COL9A1: variants seen among roughly 807,000 people sequenced by gnomAD.
COL9A1 encodes the protein collagen alpha-1(IX) chain.
In COL9A1, 104 loss-of-function variants were observed where a neutral mutation model predicts 142.6. The observed-to-expected ratio is 0.73, with a 90% confidence interval of 0.62 to 0.86. COL9A1 has a LOEUF of 0.86. Ranked by LOEUF, COL9A1 falls within the 40% of genes least tolerant of loss-of-function variation. The pLI, the probability that COL9A1 is intolerant of heterozygous loss-of-function variation, is 0.00. For missense variants in COL9A1, 1,210 were observed against 1,176.6 expected, an observed-to-expected ratio of 1.03 and a Z score of -0.42; for synonymous variants, 466 against 396.0, an observed-to-expected ratio of 1.18 and a Z score of -2.10.
chr6:70,286,655 T>A (rs1773462762), intron 5 of COL9A1, among the ~76,000 whole-genome samples: 1 of 152,222 alleles, frequency 6.6e-6, no homozygotes, highest in South Asian at 2.1e-4. Context: ...GACCAAATGT[T>A]AGTTTATACC....
chr6:70,270,996 G>A (rs999042411), intron 14 of COL9A1, among the ~76,000 whole-genome samples: 26 of 152,094 alleles, frequency 1.7e-4, no homozygotes, highest in Admixed American at 6.6e-4. Flanking sequence ...ATAAAGAGTC[G>A]GAAGCACCTC....
chr6:70,259,382 G>T (rs1289079269), intron 20 of COL9A1, among the ~76,000 whole-genome samples: 2 of 152,150 alleles, frequency 1.3e-5, no homozygotes, highest in Non-Finnish European at 2.9e-5. Context: ...GATGCCTTTT[G>T]TATTTTCTGG....
chr6:70,262,008 G>T (rs1351281654), intron 19 of COL9A1, among the ~76,000 whole-genome samples: 1 of 152,024 alleles, frequency 6.6e-6, no homozygotes, highest in Non-Finnish European at 1.5e-5. Context: ...TCCCCCAATG[G>T]ACCACTTGAG....
intron 18 of COL9A1, among the ~76,000 whole-genome samples, chr6:70,265,158 C>A (rs1017921172): frequency 1.3e-5 from 2 of 152,086 alleles, no homozygotes; most frequent in Non-Finnish European, 2.9e-5. Context: ...TTCCACTGAA[C>A]ATCAAACCAA....
Position 70,266,638 on chromosome 6 carries a change from A to G in COL9A1, c.1341+79T>C, listed in dbSNP as rs1444465722. ...AAAATATCGAGGTTCATTATTTCCT[A>G]TAATTCCTAATTTCTTATAATGAAA... On this transcript the variant is annotated intron_variant, in intron 18 of 37. Transcript: ENST00000357250. 10 of 1,142,080 alleles carry G rather than the reference A, an allele frequency of 8.8e-6. No homozygotes were observed. The Admixed American group carries it at 1.3e-4, about 15-fold the overall frequency. The allele number at this position is 1,142,080 out of a possible 1,614,324, so 70.7% of individuals were successfully genotyped here. A position where few individuals can be genotyped will look rare whatever the true frequency, so the allele number is the denominator to read the frequency against.
Position 70,252,245 on chromosome 6 carries a change from G to A in COL9A1, c.1818+17C>T. On this transcript the variant is annotated intron_variant, in intron 27 of 37. Coordinates refer to ENST00000357250, the MANE Select transcript of COL9A1 (RefSeq NM_001851.6). ...ACAACAGGTTAGAACTTCAGGAGAG[G>A]TAAAATGGTGTCTTACCGGTTTGCC... 1 of 1,614,156 alleles carries A rather than the reference G, an allele frequency of 6.2e-7. No homozygotes were observed. The highest frequency in any genetic ancestry group is 8.5e-7 in the Non-Finnish European group (1 of 1,179,970).
At chr6:70,266,466 A>G (rs974831274) in intron 18 of COL9A1, among the ~76,000 whole-genome samples, 3 of 152,228 alleles carry the variant, frequency 2.0e-5, no homozygotes, top group Admixed American at 6.5e-5. Context: ...AAAAGAAAAG[A>G]AAAGGTAGTG....
chr6:70,269,633 C>A lies in COL9A1; in HGVS notation c.1230G>T (p.Leu410Phe), dbSNP rs1772263747. The change falls in exon 16 of 38, where the codon TTG becomes TTT. Residue 410 changes from leucine to phenylalanine, a missense_variant and splice_region_variant. Transcript: ENST00000357250. ...GTIGFHDGDPLCPNACPPGRS... is the reference protein window; with the variant it reads ...GTIGFHDGDPFCPNACPPGRS... ...TTTTGTTCAAAGGAAAGCATCTTAC[C>A]AATGGATCTCCATCATGAAAGCCAA... The A allele has an allele frequency of 6.3e-7, 1 of 1,589,250 alleles. No individual in the cohort carries two copies. Among genetic ancestry groups the A allele is most frequent in the African/African-American group, 1.3e-5 (1 of 74,470 alleles).
Position 70,281,458 on chromosome 6 carries a change from G to GA in COL9A1, c.807dup (p.Pro270SerfsTer4). 7.4e-6 allele frequency: 12 copies of GA among 1,611,780 alleles called. No homozygotes were observed. Among genetic ancestry groups the GA allele is most frequent in the African/African-American group, 1.3e-5 (1 of 74,926 alleles). On this transcript the variant is annotated frameshift_variant, in exon 8 of 38. Coordinates refer to ENST00000357250, the MANE Select transcript of COL9A1 (RefSeq NM_001851.6). LOFTEE classifies it high-confidence loss of function. Reference sequence around the variant, plus strand: ...CCGGGAGGACCCTGCTCACCCGGGGGACCTCTCTGGCAAAAATAGCAGACA... The same window carrying GA: ...CCGGGAGGACCCTGCTCACCCGGGGGAACCTCTCTGGCAAAAATAGCAGACA...
At chr6:70,218,284 AG>A (rs1413845674) in intron 37 of COL9A1, among the ~76,000 whole-genome samples, 1 of 152,230 alleles carries the variant, frequency 6.6e-6, no homozygotes, top group Non-Finnish European at 1.5e-5. Context: ...TTTCTCATGA[AG>A]GGCTGACCCC....
intron 2 of COL9A1, among the ~76,000 whole-genome samples, chr6:70,300,929 G>A (rs1302312376): frequency 6.6e-6 from 1 of 152,274 alleles, no homozygotes; most frequent in Non-Finnish European, 1.5e-5. Flanking sequence ...GTCAGATATA[G>A]GGGCCTGGGG....
At chr6:70,215,261 T>G (rs544779516), downstream of COL9A1, 36 of 152,338 alleles carry the variant, frequency 2.4e-4, no homozygotes, top group African/African-American at 7.2e-4. Context: ...GCAAAATTCA[T>G]GCTAGAAGCA....
At chr6:70,264,501 C>T (rs910967806) in intron 18 of COL9A1, among the ~76,000 whole-genome samples, 6 of 152,024 alleles carry the variant, frequency 3.9e-5, no homozygotes, top group African/African-American at 1.4e-4. Flanking sequence ...TTAGCTAGTT[C>T]TTGGCACAGA....
intron 37 of COL9A1, among the ~76,000 whole-genome samples, chr6:70,217,984 T>C (rs576521971): frequency 6.6e-6 from 1 of 151,998 alleles, no homozygotes; most frequent in South Asian, 2.1e-4. Flanking sequence ...CTACTAAAAA[T>C]ACAAAAAAAT....
At chr6:70,264,956 T>C (rs1771919735) in intron 18 of COL9A1, among the ~76,000 whole-genome samples, 1 of 152,108 alleles carries the variant, frequency 6.6e-6, no homozygotes, top group Non-Finnish European at 1.5e-5. Flanking sequence ...CTGTTTTCAG[T>C]TTCAGTTCAG....
At chr6:70,269,393 T>C (rs1772247954) in intron 16 of COL9A1, among the ~76,000 whole-genome samples, 1 of 152,204 alleles carries the variant, frequency 6.6e-6, no homozygotes, top group Admixed American at 6.5e-5. Context: ...GTGAAAAGCA[T>C]GTCTTAGTCA....
intron 18 of COL9A1, among the ~76,000 whole-genome samples, chr6:70,264,363 T>C (rs17581483): frequency 0.13 from 19,725 of 152,070 alleles, 1,566 homozygotes; most frequent in Non-Finnish European, 0.18. Flanking sequence ...TCATTTATCT[T>C]GATTTTTTAA....
chr6:70,281,497 C>A (rs1220934505), intron 7 of COL9A1, 33 bp from the exon 8 acceptor site: 17 of 1,573,168 alleles, frequency 1.1e-5, no homozygotes, highest in African/African-American at 1.4e-5. Context: ...GTTAGTGGAG[C>A]ACATCGGGCA....
chr6:70,287,030 A>G (rs1773479092), intron 5 of COL9A1, among the ~76,000 whole-genome samples: 1 of 152,238 alleles, frequency 6.6e-6, no homozygotes, highest in Admixed American at 6.5e-5. Context: ...ATACTATAGC[A>G]GTGGAGATGA....
Sources: allele counts gnomAD v4.1 joint callset (sites outside exome capture counted in the v4.1 genomes callset), GRCh38; gene constraint gnomAD v4.1.1; transcripts MANE v1.5; gene names NCBI Gene and HGNC (gene_info 2026-07-23, HGNC 2026-07-21).